The following HECW1 variants were observed in gnomAD, a reference collection of about 807,000 sequenced individuals.
HECW1 encodes the protein HECT, C2 and WW domain containing E3 ubiquitin protein ligase 1.
A neutral mutation model predicts 182.3 loss-of-function variants in HECW1; 61 were observed. The observed-to-expected ratio is 0.33, with a 90% CI of 0.27 to 0.41. The LOEUF is 0.41. Ranked by LOEUF, HECW1 falls within the 10% of genes least tolerant of loss-of-function variation. The pLI, the probability that HECW1 is intolerant of heterozygous loss-of-function variation, is 1.00. For missense variants in HECW1, 1,739 were observed against 2,108.9 expected (o/e 0.82, Z 3.44); for synonymous variants, 859 against 832.6 (o/e 1.03, Z -0.55).
intron 2 of HECW1, among the ~76,000 whole-genome samples, chr7:43,215,181 G>A (rs1258152223): frequency 1.3e-5 from 2 of 152,234 alleles, no homozygotes; most frequent in African/African-American, 4.8e-5. Flanking sequence ...ACCAGTGACT[G>A]TATAGGCACC....
intron 3 of HECW1, among the ~76,000 whole-genome samples, chr7:43,299,702 G>A (rs928749056): frequency 6.6e-6 from 1 of 152,196 alleles, no homozygotes; most frequent in South Asian, 2.1e-4. Context: ...AATCATAGTA[G>A]CTAAGTGTCC....
intron 27 of HECW1, among the ~76,000 whole-genome samples, chr7:43,551,550 T>A (rs2081827773): frequency 6.6e-6 from 1 of 152,252 alleles, no homozygotes; most frequent in Non-Finnish European, 1.5e-5. Context: ...CAAAGTGATG[T>A]GGACTCTTGG....
chr7:43,321,097 A>G (rs77765401), intron 5 of HECW1, among the ~76,000 whole-genome samples: 12 of 152,128 alleles, frequency 7.9e-5, no homozygotes, highest in African/African-American at 2.7e-4. Flanking sequence ...GGTCTTCTCA[A>G]CAGGCATCCT....
chr7:43,188,810 A>T (rs920020781), intron 2 of HECW1, among the ~76,000 whole-genome samples: 1 of 152,202 alleles, frequency 6.6e-6, no homozygotes, highest in Non-Finnish European at 1.5e-5. Flanking sequence ...AGAACTGGGG[A>T]TACTTGGCCA....
intron 6 of HECW1, among the ~76,000 whole-genome samples, chr7:43,380,232 T>A (rs990607582): frequency 2.0e-5 from 3 of 152,168 alleles, no homozygotes; most frequent in Non-Finnish European, 4.4e-5. Flanking sequence ...TTTTTAAAAA[T>A]TTTTAAATTT....
intron 5 of HECW1, among the ~76,000 whole-genome samples, chr7:43,337,781 T>C (rs1812491244): frequency 6.6e-6 from 1 of 152,224 alleles, no homozygotes; most frequent in South Asian, 2.1e-4. Context: ...CATTATAGTT[T>C]CATGAAATCC....
At chr7:43,322,790 A>G (rs567957136) in intron 5 of HECW1, among the ~76,000 whole-genome samples, 91 of 152,304 alleles carry the variant, frequency 6.0e-4, no homozygotes, top group South Asian at 1.5e-3. Context: ...ACAAACCTAC[A>G]ATGGAAGTTT....
intron 3 of HECW1, among the ~76,000 whole-genome samples, chr7:43,302,871 C>G (rs1807018250): frequency 6.6e-6 from 1 of 152,142 alleles, no homozygotes. Context: ...GTCTCTTTCT[C>G]ACATCTGTAA....
chr7:43,153,522 C>T (rs1258403099), intron 2 of HECW1, among the ~76,000 whole-genome samples: 1 of 152,222 alleles, frequency 6.6e-6, no homozygotes, highest in Admixed American at 6.5e-5. Context: ...GATGTCTCTA[C>T]ATTCAGTTCA....
chr7:43,390,843 G>A (rs187671247), intron 6 of HECW1, among the ~76,000 whole-genome samples: 48 of 152,218 alleles, frequency 3.2e-4, no homozygotes, highest in African/African-American at 9.2e-4. Flanking sequence ...GATTGAGCCA[G>A]TGCCCTTATA....
At chr7:43,298,514 G>T (rs1176086070) in intron 3 of HECW1, among the ~76,000 whole-genome samples, 2 of 152,138 alleles carry the variant, frequency 1.3e-5, no homozygotes, top group Non-Finnish European at 2.9e-5. Flanking sequence ...CATAATTGAG[G>T]CACTGACATG....
At chr7:43,425,408 T>A (rs747021047) in intron 8 of HECW1, among the ~76,000 whole-genome samples, 45 of 152,160 alleles carry the variant, frequency 3.0e-4, no homozygotes, top group Admixed American at 1.3e-4. Context: ...TTCCATAACC[T>A]TCTGGTCACT....
intron 24 of HECW1, among the ~76,000 whole-genome samples, chr7:43,528,709 C>G (rs370214132): frequency 2.0e-5 from 3 of 152,186 alleles, no homozygotes; most frequent in Non-Finnish European, 2.9e-5. Context: ...CCTCTGCCCC[C>G]CTGCAGGGCA....
At chr7:43,258,095 T>A (rs1271218446) in intron 3 of HECW1, among the ~76,000 whole-genome samples, 2 of 152,168 alleles carry the variant, frequency 1.3e-5, no homozygotes, top group Non-Finnish European at 2.9e-5. Flanking sequence ...ATCTCAGCAC[T>A]GTGGGAGGCC....
rs146858328 is a variant in HECW1 at position 43,485,537 on chromosome 7, C to A, written c.3234+5793C>A. Among the ~76,000 whole-genome samples the A allele has an allele frequency of 3.7e-4, 56 of 152,238 alleles. 2 individuals carry two copies. The East Asian group carries it at 0.01, about 27-fold the overall frequency. On this transcript the variant is annotated intron_variant, in intron 17 of 29. Coordinates refer to ENST00000395891, the MANE Select transcript of HECW1 (RefSeq NM_015052.5). ...GCTTACACAAACCTAGATGGTATAG[C>A]CTACCACACACCTAGGCTGTACGGT...
At chr7:43,460,095 C>A (rs547134362) in intron 13 of HECW1, among the ~76,000 whole-genome samples, 13 of 152,240 alleles carry the variant, frequency 8.5e-5, no homozygotes, top group Admixed American at 5.9e-4. Context: ...TGTTTTTTGT[C>A]ACAAGGGCCT....
At chr7:43,490,096 C>T (rs746034922) in intron 17 of HECW1, among the ~76,000 whole-genome samples, 3 of 152,070 alleles carry the variant, frequency 2.0e-5, no homozygotes, top group African/African-American at 4.8e-5. Context: ...TGAGTCATTA[C>T]GTAATGGATT....
intron 8 of HECW1, among the ~76,000 whole-genome samples, chr7:43,410,504 G>A (rs1445340797): frequency 2.0e-5 from 3 of 152,050 alleles, no homozygotes; most frequent in Admixed American, 6.5e-5. Flanking sequence ...GTGGTGGAAG[G>A]AGACACACAC....
chr7:43,494,529 A>G (rs531295362), intron 19 of HECW1, among the ~76,000 whole-genome samples: 1 of 150,156 alleles, frequency 6.7e-6, no homozygotes, highest in Non-Finnish European at 1.5e-5. Flanking sequence ...TTTGAGACAG[A>G]GTCTTGCTCT....
Sources: gnomAD v4.1 joint callset for allele counts (sites outside exome capture counted in the v4.1 genomes callset) on GRCh38, gnomAD v4.1.1 for gene constraint, MANE v1.5 for transcripts, NCBI Gene and HGNC (gene_info 2026-07-23, HGNC 2026-07-21) for gene names.